Variants in TANGO6 observed in about 807,000 individuals in gnomAD.
TANGO6 encodes the protein transport and golgi organization 6 homolog.
In TANGO6, 90 loss-of-function variants were observed where a neutral mutation model predicts 114.2. The ratio of observed to expected loss-of-function variants is 0.79; its 90% CI spans 0.66 to 0.94. TANGO6 has a LOEUF of 0.94. TANGO6 is among the 40% of genes least tolerant of loss of function. TANGO6 has a pLI of 0.00. For synonymous variants in TANGO6, 477 were observed against 509.8 expected (o/e 0.94, Z 0.87); for missense variants, 1,274 against 1,315.3 (o/e 0.97, Z 0.49).
chr16:68,921,938 A>G (rs1387152301), intron 12 of TANGO6, among the ~76,000 whole-genome samples: 1 of 151,974 alleles, frequency 6.6e-6, no homozygotes, highest in African/African-American at 2.4e-5. Context: ...TGTTTGAATC[A>G]TGGATTTGTA....
intron 1 of TANGO6, among the ~76,000 whole-genome samples, chr16:68,852,892 A>G (rs1961928556): frequency 6.6e-6 from 1 of 152,084 alleles, no homozygotes; most frequent in Non-Finnish European, 1.5e-5. Context: ...CCTTATACAC[A>G]TCATTTAGAT....
intron 14 of TANGO6, among the ~76,000 whole-genome samples, chr16:68,971,335 A>G (rs575351577): frequency 3.9e-5 from 6 of 152,186 alleles, no homozygotes; most frequent in South Asian, 2.1e-4. Flanking sequence ...CAATGCTGCA[A>G]TCATAGCTTA....
chr16:68,972,129 A>C (rs991290180), intron 14 of TANGO6, among the ~76,000 whole-genome samples: 4 of 151,912 alleles, frequency 2.6e-5, no homozygotes, highest in South Asian at 2.1e-4. Context: ...CTTAGGACTG[A>C]AGTCCTAAGA....
intron 1 of TANGO6, among the ~76,000 whole-genome samples, chr16:68,849,460 AAC>A (rs1961866697): frequency 6.6e-6 from 1 of 152,148 alleles, no homozygotes; most frequent in African/African-American, 2.4e-5. Flanking sequence ...TACATAGTAA[AAC>A]ACTGTCTCTA....
intron 17 of TANGO6, among the ~76,000 whole-genome samples, chr16:69,050,585 G>A (rs1959933556): frequency 6.6e-6 from 1 of 151,816 alleles, no homozygotes; most frequent in Non-Finnish European, 1.5e-5. Flanking sequence ...CGCCTCCCGG[G>A]TTCAAGCAAT....
At chr16:68,932,254 C>A (rs1209662513) in intron 14 of TANGO6, among the ~76,000 whole-genome samples, 2 of 152,058 alleles carry the variant, frequency 1.3e-5, no homozygotes, top group Non-Finnish European at 2.9e-5. Context: ...CCACACCTGG[C>A]TAATTTTGTA....
At chr16:69,033,448 C>T (rs559714551) in intron 16 of TANGO6, among the ~76,000 whole-genome samples, 22 of 152,240 alleles carry the variant, frequency 1.4e-4, no homozygotes, top group African/African-American at 4.3e-4. Flanking sequence ...TTGTGTGAAA[C>T]GCAGAGGAGT....
At chr16:69,021,978 C>T (rs1248356792) in intron 15 of TANGO6, among the ~76,000 whole-genome samples, 4 of 151,250 alleles carry the variant, frequency 2.6e-5, no homozygotes, top group South Asian at 4.2e-4. Flanking sequence ...CTCCGCCTCC[C>T]GGGTTCAGGC....
intron 15 of TANGO6, among the ~76,000 whole-genome samples, chr16:69,009,992 C>T (rs114067987): frequency 0.017 from 2,613 of 152,260 alleles, 85 homozygotes; most frequent in African/African-American, 0.059. Flanking sequence ...AATGACTGTG[C>T]GATTGATGAC....
intron 16 of TANGO6, among the ~76,000 whole-genome samples, chr16:69,023,316 C>T (rs560385926): frequency 1.3e-5 from 2 of 152,028 alleles, no homozygotes; most frequent in East Asian, 1.9e-4. Flanking sequence ...ATCAGCTGGG[C>T]GTGGTGGTAC....
At chr16:68,929,196 G>A (rs2152196941) in intron 13 of TANGO6, among the ~76,000 whole-genome samples, 1 of 152,314 alleles carries the variant, frequency 6.6e-6, no homozygotes, top group Admixed American at 6.5e-5. Context: ...TGGGATTACA[G>A]GCATGAGCCA....
intron 16 of TANGO6, among the ~76,000 whole-genome samples, chr16:69,024,465 C>T (rs1450040314): frequency 1.3e-5 from 2 of 152,074 alleles, no homozygotes; most frequent in Non-Finnish European, 2.9e-5. Flanking sequence ...GACGGGGTTT[C>T]ACCATGTTGG....
At chr16:68,880,261 C>T (rs772808702) in intron 6 of TANGO6, among the ~76,000 whole-genome samples, 23 of 152,126 alleles carry the variant, frequency 1.5e-4, no homozygotes, top group Non-Finnish European at 8.8e-5. Context: ...TGTGAGCCAC[C>T]ACACCTGGCC....
intron 1 of TANGO6, among the ~76,000 whole-genome samples, chr16:68,851,966 A>G (rs141091527): frequency 6.6e-6 from 1 of 152,330 alleles, no homozygotes; most frequent in East Asian, 1.9e-4. Flanking sequence ...TTCTTTTCCT[A>G]TAAACTGTCT....
At chr16:69,041,544 G>A (rs1445075529) in intron 17 of TANGO6, among the ~76,000 whole-genome samples, 1 of 151,382 alleles carries the variant, frequency 6.6e-6, no homozygotes, top group African/African-American at 2.4e-5. Context: ...TGCCATTTTT[G>A]TACAGGCAGG....
chr16:68,915,511 T>C (rs1247329067), intron 11 of TANGO6, among the ~76,000 whole-genome samples: 1 of 152,196 alleles, frequency 6.6e-6, no homozygotes, highest in Non-Finnish European at 1.5e-5. Context: ...AGTGATCTCC[T>C]GCCTTGGCCT....
intron 15 of TANGO6, among the ~76,000 whole-genome samples, chr16:68,989,047 G>A (rs1963923402): frequency 6.6e-6 from 1 of 152,022 alleles, no homozygotes; most frequent in African/African-American, 2.4e-5. Flanking sequence ...TATATTTTGT[G>A]GGAATGGGTT....
intron 1 of TANGO6, among the ~76,000 whole-genome samples, chr16:68,853,018 C>T (rs1486435880): frequency 6.6e-6 from 1 of 152,240 alleles, no homozygotes; most frequent in Non-Finnish European, 1.5e-5. Flanking sequence ...GATATCAGTA[C>T]ATTTTAGCCA....
chr16:68,995,787 T>C (rs925744293), intron 15 of TANGO6, among the ~76,000 whole-genome samples: 1 of 152,202 alleles, frequency 6.6e-6, no homozygotes, highest in African/African-American at 2.4e-5. Flanking sequence ...AGATGAAAAT[T>C]GCAAGGACCT....
Sources: allele counts gnomAD v4.1 joint callset (sites outside exome capture counted in the v4.1 genomes callset), GRCh38; gene constraint gnomAD v4.1.1; transcripts MANE v1.5; gene names NCBI Gene and HGNC (gene_info 2026-07-23, HGNC 2026-07-21).